IRX1: variants seen among roughly 807,000 people sequenced by gnomAD.
IRX1 encodes iroquois homeobox 1, also known as iroquois-class homeodomain protein IRX-1.
Under a neutral mutation model 34.1 loss-of-function variants are expected in IRX1, and 22 were observed. The ratio of observed to expected loss-of-function variants is 0.64; its 90% CI spans 0.46 to 0.92. The LOEUF (loss-of-function observed/expected upper bound fraction) is 0.92, where lower values mean the gene tolerates loss of function less well. IRX1 is among the 40% of genes least tolerant of loss of function. The pLI, the probability that IRX1 is intolerant of heterozygous loss-of-function variation, is 0.00. For synonymous variants in IRX1, 363 were observed against 319.0 expected (o/e 1.14, Z -1.47); for missense variants, 758 against 680.0 (o/e 1.11, Z -1.28).
intron 1 of IRX1, 68 bp downstream of exon 1, chr5:3,596,449 C>T: frequency 3.0e-6 from 4 of 1,351,302 alleles, no homozygotes; most frequent in Middle Eastern, 2.8e-4. Context: ...TGGCGGGTCG[C>T]CCGGGAGGGA....
Position 3,599,230 on chromosome 5 carries a change from G to A in IRX1, c.282G>A (p.Ser94=), listed in dbSNP as rs769262251. 7.4e-6 allele frequency: 12 copies of A among 1,611,104 alleles called. 1 individual carries two copies. The South Asian group carries it at 1.3e-4, about 18-fold the overall frequency. ...GATCTGCCCTGTGGCTTCAGGGCTC[G>A]CAGTATGAACTGAAGGACAACCCTG... The part of the protein sequence containing the change: ...ADLSLFSQMG[S]QYELKDNPGV... Residue 94 remains serine (S), a synonymous_variant, in exon 2 of 4, where the codon TCG becomes TCA. Transcript: ENST00000302006. The surrounding 1 kb of genome is among the most constrained non-coding windows in gnomAD (Gnocchi z 6.6).
In IRX1 at chr5:3,599,200, C is replaced by G. The variant is rs751398817; in HGVS notation, c.277-25C>G. On this transcript the variant is annotated intron_variant, in intron 1 of 3. Coordinates refer to ENST00000302006, the MANE Select transcript of IRX1 (RefSeq NM_024337.4). This position sits in a 1 kb window ranked among gnomAD's most constrained non-coding sequence, Gnocchi z 6.6. The stretch of plus-strand genomic sequence containing the variant: ...TCTCCACTTCCCTCCTCTCTCTCCT[C>G]GATGGATCTGCCCTGTGGCTTCAGG... 2.5e-6 allele frequency: 4 copies of G among 1,595,634 alleles called. No individual in the cohort carries two copies. Among genetic ancestry groups the G allele is most frequent in the South Asian group, 1.1e-5 (1 of 89,780 alleles).
chr5:3,596,211 G>C lies in IRX1; in HGVS notation c.106G>C (p.Ala36Pro). The C allele has an allele frequency of 9.4e-7, 1 of 1,066,732 alleles. No individual in the cohort carries two copies. Among genetic ancestry groups the C allele is most frequent in the Non-Finnish European group, 1.1e-6 (1 of 883,702 alleles). The allele number at this position is 1,066,732 out of a possible 1,614,324, so 66.1% of individuals were successfully genotyped here. A position where few individuals can be genotyped will look rare whatever the true frequency, so the allele number is the denominator to read the frequency against. ...GVLAAAAAAAAAASSGRPGAA... is the reference protein window; with the variant it reads ...GVLAAAAAAAPAASSGRPGAA... ...GCTGGCCGCGGCCGCTGCGGCGGCTGCCGCCGCCTCGTCGGGCCGACCGGG... is the reference window on the plus strand; with the variant it reads ...GCTGGCCGCGGCCGCTGCGGCGGCTCCCGCCGCCTCGTCGGGCCGACCGGG... The change falls in exon 1 of 4, where the codon GCC becomes CCC. Residue 36 changes from alanine to proline, a missense_variant. Physicochemically the swap from Ala to Pro is conservative, Grantham distance 27 (BLOSUM62 -1). Around this residue, in one of 3 missense-constraint regions of IRX1, gnomAD observed 195 missense variants for 195.0 expected, o/e 1.00. Coordinates refer to ENST00000302006, the MANE Select transcript of IRX1 (RefSeq NM_024337.4).
chr5:3,600,770 C>T (rs546684934), intron 3 of IRX1, 89 bp downstream of exon 3: 2 of 1,281,560 alleles, frequency 1.6e-6, no homozygotes, highest in Non-Finnish European at 2.2e-6. Context: ...GGCTGGGTGG[C>T]GGTGGGGGTC....
rs752265838 is a variant in IRX1, at chr5:3,600,133, C to T, written c.1185C>T (p.Gly395=). 6.2e-6 allele frequency: 10 copies of T among 1,613,108 alleles called. No homozygotes were observed. Among genetic ancestry groups the T allele is most frequent in the African/African-American group, 1.3e-5 (1 of 74,940 alleles). ...LLNMRSFLGV[G]APHAAPHGPH... ...ACATGCGCTCCTTCCTGGGCGTTGG[C>T]GCTCCCCACGCCGCGCCCCATGGCC... is the stretch of plus-strand genomic sequence containing the variant. The change falls in exon 2 of 4, where the codon GGC becomes GGT. Residue 395 remains glycine, a synonymous_variant. Transcript: ENST00000302006.
At position 3,599,224 on chromosome 5, in the gene IRX1, G is replaced by C. The variant is rs748971772; in HGVS notation, c.277-1G>C. 31 of 1,610,772 alleles carry C rather than the reference G, an allele frequency of 1.9e-5. No individual in the cohort carries two copies. The highest frequency in any genetic ancestry group is 5.0e-5 in the Admixed American group (3 of 59,896). ...TCGATGGATCTGCCCTGTGGCTTCA[G>C]GGCTCGCAGTATGAACTGAAGGACA... On this transcript the variant is annotated splice_acceptor_variant, in intron 1 of 3. Transcript: ENST00000302006. LOFTEE classifies it high-confidence loss of function. The surrounding 1 kb of genome is among the most constrained non-coding windows in gnomAD (Gnocchi z 6.6).
chr5:3,600,826 G>A lies in IRX1; in HGVS notation c.1385+145G>A, dbSNP rs570319158. On this transcript the variant is annotated intron_variant, in intron 3 of 3. Transcript: ENST00000302006. ...GCGCTCCCCGCCAGCCCTGGGCGCC[G>A]GGCGAGCCGAGGAGACTGGAGTTTC... The A allele has an allele frequency of 4.9e-5, 56 of 1,149,200 alleles. No individual in the cohort carries two copies. In the African/African-American group the frequency reaches 7.9e-4, roughly 16 times the overall value. 71.2% of individuals were successfully genotyped at this position (1,149,200 alleles called of 1,614,324 possible).
chr5:3,599,571 G>A lies in IRX1; in HGVS notation c.623G>A (p.Ser208Asn). The A allele has an allele frequency of 6.2e-7, 1 of 1,614,112 alleles. No individual in the cohort carries two copies. Among genetic ancestry groups the A allele is most frequent in the Non-Finnish European group, 8.5e-7 (1 of 1,180,020 alleles). The change falls in exon 2 of 4, where the codon AGC becomes AAC. Residue 208 changes from serine (S) to asparagine (N), a missense_variant. Ser to Asn is a conservative substitution (Grantham distance 46). This residue lies in a region of IRX1 where 529 missense variants were observed against 418.8 expected (regional missense o/e 1.26). Coordinates refer to ENST00000302006, the MANE Select transcript of IRX1 (RefSeq NM_024337.4). The surrounding 1 kb of genome is among the most constrained non-coding windows in gnomAD (Gnocchi z 6.6). ...KDQEDGALFG[S>N]DTEGDPEKAE... The stretch of plus-strand genomic sequence containing the variant: ...CAGGAAGATGGAGCGCTCTTCGGCA[G>A]CGACACCGAGGGCGACCCGGAGAAG...
In IRX1 at chr5:3,600,212, G is replaced by A. The variant is rs748688675; in HGVS notation, c.1264G>A (p.Ala422Thr). The A allele has an allele frequency of 2.5e-6, 4 of 1,610,030 alleles. No individual in the cohort carries two copies. The highest frequency in any genetic ancestry group is 2.2e-5 in the East Asian group (1 of 44,816). The change falls in exon 2 of 4, where the codon GCA (alanine) becomes ACA (threonine). Residue 422 changes from alanine (A) to threonine (T), a missense_variant. This residue lies in a region of IRX1 where 529 missense variants were observed against 418.8 expected (regional missense o/e 1.26). Transcript: ENST00000302006. ...PQPPVAIAPG[A>T]LNGDKASVRS... is the part of the protein sequence containing the mutation. ...GCCGCCGGTCGCTATTGCCCCGGGG[G>A]CACTCAATGGAGACAAGGCCTCGGT...
Position 3,598,250 on chromosome 5 carries a change from T to C in IRX1, c.277-975T>C, listed in dbSNP as rs180981739. ...AGGCCTAATGAGGTTGTTAGAAAGA[T>C]AAAATGTTATTTACCAAAAAACCTG... On this transcript the variant is annotated intron_variant, in intron 1 of 3. Coordinates refer to ENST00000302006, the MANE Select transcript of IRX1 (RefSeq NM_024337.4). Among the ~76,000 whole-genome samples the C allele has an allele frequency of 3.3e-5, 5 of 152,352 alleles. No individual in the cohort carries two copies. The East Asian group carries it at 9.6e-4, about 29-fold the overall frequency.
rs552213084 is a variant in IRX1 at position 3,599,535 on chromosome 5, G to C, written c.587G>C (p.Arg196Pro). 2 of 1,614,186 alleles carry C rather than the reference G, an allele frequency of 1.2e-6. No individual in the cohort carries two copies. The highest frequency in any genetic ancestry group is 8.5e-7 in the Non-Finnish European group (1 of 1,180,040). ...KKENKVTWGARSKDQEDGALF... is the reference protein window; with the variant it reads ...KKENKVTWGAPSKDQEDGALF... ...GAGAACAAGGTGACATGGGGAGCGC[G>C]CAGCAAGGACCAGGAAGATGGAGCG... Residue 196 changes from arginine to proline, a missense_variant, in exon 2 of 4, where the codon CGC becomes CCC. By Grantham distance (103) the Arg-to-Pro change is moderately radical. Transcript: ENST00000302006. The surrounding 1 kb of genome is among the most constrained non-coding windows in gnomAD (Gnocchi z 6.6).
Position 3,596,219 on chromosome 5 carries a change from C to T in IRX1, c.114C>T (p.Ala38=). The change falls in exon 1 of 4, where the codon GCC becomes GCT. Residue 38 remains alanine (A), a synonymous_variant. Transcript: ENST00000302006. ...CGGCCGCTGCGGCGGCTGCCGCCGCCTCGTCGGGCCGACCGGGGGCCGCGG... is the reference window on the plus strand; with the variant it reads ...CGGCCGCTGCGGCGGCTGCCGCCGCTTCGTCGGGCCGACCGGGGGCCGCGG... ...LAAAAAAAAA[A]SSGRPGAAEL... is the part of the protein sequence containing the mutation. 1 of 1,106,486 alleles carries T rather than the reference C, an allele frequency of 9.0e-7. No individual in the cohort carries two copies. Among genetic ancestry groups the T allele is most frequent in the South Asian group, 4.3e-5 (1 of 23,140 alleles). The allele number at this position is 1,106,486 out of a possible 1,614,324, so 68.5% of individuals were successfully genotyped here. A position where few individuals can be genotyped will look rare whatever the true frequency, so the allele number is the denominator to read the frequency against.
At chr5:3,597,967 C>A (rs1388625411) in intron 1 of IRX1, among the ~76,000 whole-genome samples, 3 of 152,172 alleles carry the variant, frequency 2.0e-5, no homozygotes, top group African/African-American at 7.2e-5. Flanking sequence ...TGAGGACCTG[C>A]ACCCTTTGTG....
In IRX1 at chr5:3,599,332, C is replaced by G. The variant is rs763266040; in HGVS notation, c.384C>G (p.Pro128=). ...YPYGQFQYGD[P]GRPKNATRES... is the part of the protein sequence containing the mutation. ...ACGGCCAGTTCCAATACGGGGACCC[C>G]GGGCGGCCCAAGAACGCCACCCGCG... The change falls in exon 2 of 4, where the codon CCC becomes CCG. Residue 128 remains proline, a synonymous_variant. Transcript: ENST00000302006. The surrounding 1 kb of genome is among the most constrained non-coding windows in gnomAD (Gnocchi z 6.6). 3.7e-6 allele frequency: 6 copies of G among 1,614,082 alleles called. No homozygotes were observed. The highest frequency in any genetic ancestry group is 5.1e-6 in the Non-Finnish European group (6 of 1,180,024).
At chr5:3,598,618 T>C (rs1444429044) in intron 1 of IRX1, among the ~76,000 whole-genome samples, 2 of 152,220 alleles carry the variant, frequency 1.3e-5, no homozygotes, top group Non-Finnish European at 2.9e-5. Flanking sequence ...GGGTAAACCA[T>C]TATATGCAGA....
chr5:3,600,775 G>T (rs966587744), intron 3 of IRX1, 94 bp downstream of exon 3: 18 of 1,279,972 alleles, frequency 1.4e-5, no homozygotes, highest in Non-Finnish European at 2.0e-5. Context: ...GGTGGCGGTG[G>T]GGGTCGCGCA....
In IRX1 at chr5:3,599,183, T is replaced by A. The variant is rs764011582; in HGVS notation, c.277-42T>A. 6.4e-7 allele frequency: 1 copy of A among 1,563,732 alleles called. No homozygotes were observed. The highest frequency in any genetic ancestry group is 1.7e-5 in the Admixed American group (1 of 57,520). Reference sequence around the variant, plus strand: ...CTCTCTCTCCCTTTCTCTCTCCACTTCCCTCCTCTCTCTCCTCGATGGATC... The same window carrying A: ...CTCTCTCTCCCTTTCTCTCTCCACTACCCTCCTCTCTCTCCTCGATGGATC... On this transcript the variant is annotated intron_variant, in intron 1 of 3. Coordinates refer to ENST00000302006, the MANE Select transcript of IRX1 (RefSeq NM_024337.4). The surrounding 1 kb of genome is among the most constrained non-coding windows in gnomAD (Gnocchi z 6.6).
At position 3,596,396 on chromosome 5, in the gene IRX1, C is replaced by A; in HGVS notation, c.276+15C>A. ...TCTCGCAGATGGTGAGTGCGCCCGG[C>A]CTCCCCCGCTTCTCCTCTGTCTCAC... On this transcript the variant is annotated intron_variant, in intron 1 of 3. Coordinates refer to ENST00000302006, the MANE Select transcript of IRX1 (RefSeq NM_024337.4). 6.7e-7 allele frequency: 1 copy of A among 1,498,130 alleles called. No individual in the cohort carries two copies. Among genetic ancestry groups the A allele is most frequent in the South Asian group, 1.3e-5 (1 of 78,144 alleles). The allele number at this position is 1,498,130 out of a possible 1,614,324, so 92.8% of individuals were successfully genotyped here.
intron 1 of IRX1, among the ~76,000 whole-genome samples, chr5:3,596,901 C>T (rs1234374832): frequency 2.6e-5 from 4 of 152,146 alleles, no homozygotes; most frequent in Middle Eastern, 3.2e-3. Flanking sequence ...CAGACAGACC[C>T]CTTCTAAGCC....
Sources: allele counts gnomAD v4.1 joint callset (sites outside exome capture counted in the v4.1 genomes callset), GRCh38; gene constraint gnomAD v4.1.1; regional missense constraint gnomAD v4.1.1; non-coding constraint Gnocchi (gnomAD v3.1); transcripts MANE v1.5; gene names NCBI Gene and HGNC (gene_info 2026-07-23, HGNC 2026-07-21).